TMPRSS2: variants seen among roughly 807,000 people sequenced by gnomAD.
The protein encoded by TMPRSS2 is transmembrane protease serine 2.
A neutral mutation model predicts 67.4 loss-of-function variants in TMPRSS2; 59 were observed. The ratio of observed to expected loss-of-function variants is 0.88; its 90% CI spans 0.71 to 1.09. The LOEUF (loss-of-function observed/expected upper bound fraction) is 1.09, where lower values mean the gene tolerates loss of function less well. Among genes scored for constraint, TMPRSS2 ranks in the 50% least tolerant of loss-of-function variants. TMPRSS2 has a pLI of 0.00. For synonymous variants in TMPRSS2, 257 were observed against 257.0 expected (o/e 1.00, Z 0.00); for missense variants, 668 against 642.7 (o/e 1.04, Z -0.43).
intron 1 of TMPRSS2, among the ~76,000 whole-genome samples, chr21:41,498,831 T>C (rs953207563): frequency 3.3e-5 from 5 of 152,116 alleles, no homozygotes; most frequent in African/African-American, 1.2e-4. Flanking sequence ...CTTGTTGAAA[T>C]CTCAGGGTCC....
intron 2 of TMPRSS2, 132 bp from the exon 3 acceptor site, chr21:41,494,710 G>T: frequency 1.1e-6 from 1 of 877,654 alleles, no homozygotes. Flanking sequence ...TTTATTTTGT[G>T]AAATATGCAT....
rs550091217 is a variant in TMPRSS2, at chr21:41,483,360, C to T, written c.446-2758G>A. Among the ~76,000 whole-genome samples, 3 of 151,888 alleles carry T rather than the reference C, an allele frequency of 2.0e-5. No individual in the cohort carries two copies. In the South Asian group the frequency reaches 6.3e-4, roughly 32 times the overall value. ...GTGCAATGGCATGATCTCAGCTCAC[C>T]GCAACCTCCACCTCCTGGGTTCAAG... On this transcript the variant is annotated intron_variant, in intron 5 of 13. Transcript: ENST00000332149.
At chr21:41,494,242 A>G in intron 3 of TMPRSS2, 114 bp downstream of exon 3, 1 of 1,110,102 alleles carries the variant, frequency 9.0e-7, no homozygotes, top group Non-Finnish European at 1.3e-6. Context: ...GACGGAGGAG[A>G]AGGGTCAGAC....
chr21:41,470,604 C>A, intron 11 of TMPRSS2, 44 bp downstream of exon 11: 1 of 1,578,548 alleles, frequency 6.3e-7, no homozygotes, highest in Non-Finnish European at 8.7e-7. Flanking sequence ...CCCAATGCTC[C>A]ATCTGTGGGC....
At chr21:41,490,860 G>A (rs566085188) in intron 3 of TMPRSS2, among the ~76,000 whole-genome samples, 194 of 152,342 alleles carry the variant, frequency 1.3e-3, no homozygotes, top group African/African-American at 4.5e-3. Flanking sequence ...GTGGAGGAGA[G>A]GGGAGGAGAA....
At chr21:41,481,418 T>A (rs1185719825) in intron 5 of TMPRSS2, among the ~76,000 whole-genome samples, 2 of 151,888 alleles carry the variant, frequency 1.3e-5, no homozygotes, top group Non-Finnish European at 2.9e-5. Context: ...ATGCCTAGAG[T>A]AGGAAATCTA....
intron 3 of TMPRSS2, 126 bp from the exon 4 acceptor site, chr21:41,489,719 G>T (rs910031175): frequency 3.2e-6 from 2 of 634,608 alleles, no homozygotes; most frequent in African/African-American, 1.8e-5. Context: ...ACTTAAAAAT[G>T]TGACTTTTAA....
intron 3 of TMPRSS2, among the ~76,000 whole-genome samples, chr21:41,493,843 G>A (rs940921460): frequency 2.6e-5 from 4 of 152,234 alleles, no homozygotes; most frequent in African/African-American, 4.8e-5. Flanking sequence ...CCGGCCACCC[G>A]CAGGACCCTG....
At chr21:41,501,273 A>G (rs2091421610) in intron 1 of TMPRSS2, among the ~76,000 whole-genome samples, 1 of 152,192 alleles carries the variant, frequency 6.6e-6, no homozygotes, top group Non-Finnish European at 1.5e-5. Context: ...GTCAGTTACC[A>G]TGGACTTTGG....
rs774327563 is a variant in TMPRSS2 at position 41,494,550 on chromosome 21, T to C, written c.44A>G (p.Tyr15Cys). 1.2e-5 allele frequency: 19 copies of C among 1,613,546 alleles called. No homozygotes were observed. In the African/African-American group the frequency reaches 1.6e-4, roughly 14 times the overall value. Residue 15 changes from tyrosine to cysteine, a missense_variant, in exon 3 of 14, where the codon TAT becomes TGT. Physicochemically the swap from Tyr to Cys is radical, Grantham distance 194 (BLOSUM62 -2). Coordinates refer to ENST00000332149, the MANE Select transcript of TMPRSS2 (RefSeq NM_005656.4). Reference sequence around the variant, plus strand: ...TTCCGGTTGGTATCCATGGTTTTCATAGTAAGGTCCAATAGCTGGTGGTGA... The same window carrying C: ...TTCCGGTTGGTATCCATGGTTTTCACAGTAAGGTCCAATAGCTGGTGGTGA... ...SGSPPAIGPY[Y>C]ENHGYQPENP...
At chr21:41,491,284 G>A (rs570707244) in intron 3 of TMPRSS2, among the ~76,000 whole-genome samples, 4 of 150,296 alleles carry the variant, frequency 2.7e-5, no homozygotes, top group African/African-American at 9.7e-5. Context: ...AACCTCTCAA[G>A]TAGCTGGGAC....
Position 41,480,563 on chromosome 21 carries a change from G to T in TMPRSS2, c.485C>A (p.Ser162Ter), listed in dbSNP as rs1569017516. 6.2e-7 allele frequency: 1 copy of T among 1,613,890 alleles called. No homozygotes were observed. Among genetic ancestry groups the T allele is most frequent in the Non-Finnish European group, 8.5e-7 (1 of 1,180,038 alleles). Residue 162 changes from serine (S) to a stop codon, truncating the protein, a stop_gained, in exon 6 of 14, where the codon TCA (serine) becomes TAA (stop). Transcript: ENST00000332149. LOFTEE classifies it high-confidence loss of function. ...AGGGTGCCAGGACTTCCTCTGAGAT[G>T]AGTACACCTGAAGGATGAAGTTTGG... ...YGPNFILQVY[S>*]SQRKSWHPVC... is the part of the protein sequence containing the mutation.
At chr21:41,492,349 A>G (rs117688613) in intron 3 of TMPRSS2, among the ~76,000 whole-genome samples, 12 of 152,274 alleles carry the variant, frequency 7.9e-5, no homozygotes, top group Non-Finnish European at 1.2e-4. Context: ...AGGACTATGG[A>G]CCTTCGATTC....
intron 12 of TMPRSS2, 43 bp downstream of exon 12, chr21:41,468,353 G>A (rs781378269): frequency 1.2e-6 from 2 of 1,609,122 alleles, no homozygotes; most frequent in South Asian, 2.2e-5. Context: ...GGGTTCAGTA[G>A]GATCTGGTAA....
At chr21:41,501,820 T>C (rs992169966) in intron 1 of TMPRSS2, among the ~76,000 whole-genome samples, 1 of 152,218 alleles carries the variant, frequency 6.6e-6, no homozygotes, top group Admixed American at 6.5e-5. Flanking sequence ...TTAACTCATT[T>C]CTGAAAGGAG....
intron 5 of TMPRSS2, among the ~76,000 whole-genome samples, chr21:41,482,212 A>G (rs1413458346): frequency 6.6e-6 from 1 of 152,188 alleles, no homozygotes. Context: ...ACAAAACATT[A>G]CAAACACCGT....
intron 8 of TMPRSS2, 27 bp downstream of exon 8, chr21:41,476,550 C>T (rs2091214827): frequency 1.9e-6 from 3 of 1,609,440 alleles, no homozygotes; most frequent in Non-Finnish European, 2.5e-6. Flanking sequence ...TTAGAAGTAT[C>T]AAAAGGGGGA....
chr21:41,485,662 A>G (rs917266629), intron 5 of TMPRSS2, among the ~76,000 whole-genome samples: 4 of 152,012 alleles, frequency 2.6e-5, no homozygotes, highest in African/African-American at 9.7e-5. Flanking sequence ...GAAAAAAAAA[A>G]AAAAAATAGA....
At chr21:41,475,573 CGGGGTGGGG>C (rs2091202826) in intron 8 of TMPRSS2, among the ~76,000 whole-genome samples, 1 of 23,856 alleles carries the variant, frequency 4.2e-5, no homozygotes. Context: ...GAGGAGGTGA[CGGGGTGGGG>C]TGAGGGAGGG....
Sources: gnomAD v4.1 joint callset for allele counts (sites outside exome capture counted in the v4.1 genomes callset) on GRCh38, gnomAD v4.1.1 for gene constraint, MANE v1.5 for transcripts, NCBI Gene and HGNC (gene_info 2026-07-23, HGNC 2026-07-21) for gene names.